Variants in RTP2 observed in about 807,000 individuals in gnomAD.
The protein encoded by RTP2 is receptor transporter protein 2.
Under a neutral mutation model 17.9 loss-of-function variants are expected in RTP2, and 12 were observed. That is an observed-to-expected ratio of 0.67 (90% CI 0.43 to 1.09). The LOEUF (loss-of-function observed/expected upper bound fraction) is 1.09, where lower values mean the gene tolerates loss of function less well. RTP2 is among the 50% of genes least tolerant of loss of function. RTP2 has a pLI of 0.00. For missense variants in RTP2, 327 were observed against 295.7 expected (o/e 1.11, Z -0.78); for synonymous variants, 126 against 117.7 (o/e 1.07, Z -0.46).
the RTP2 span, among the ~76,000 whole-genome samples, chr3:187,713,309 C>T: frequency 1.3e-5 from 2 of 152,218 alleles, no homozygotes; most frequent in African/African-American, 4.8e-5. Context: ...TAAATTTTCT[C>T]CTTACACTGT....
exon 2 of RTP2, chr3:187,698,744 G>A: frequency 6.2e-7 from 1 of 1,614,002 alleles, no homozygotes. Context: ...CGCTGTCCGG[G>A]CGGCTGGCCA....
chr3:187,705,724 T>G (rs1025236608), upstream of RTP2, among the ~76,000 whole-genome samples: 3 of 152,170 alleles, frequency 2.0e-5, no homozygotes, highest in Non-Finnish European at 4.4e-5. Context: ...GAAAGGCTGT[T>G]TGGCCCCAAC....
chr3:187,702,201 G>C, exon 1 of RTP2: 4 of 1,438,546 alleles, frequency 2.8e-6, no homozygotes, highest in Non-Finnish European at 3.8e-6. Flanking sequence ...ATAGGTACGG[G>C]ACAATTCAGT....
At chr3:187,702,183 G>C (rs1717869418) in exon 1 of RTP2, 2 of 1,531,974 alleles carry the variant, frequency 1.3e-6, no homozygotes, top group African/African-American at 1.4e-5. Flanking sequence ...AACACAGAAA[G>C]AGCACGGATA....
chr3:187,715,243 C>A, the RTP2 span, among the ~76,000 whole-genome samples: 1 of 152,182 alleles, frequency 6.6e-6, no homozygotes, highest in Non-Finnish European at 1.5e-5. Context: ...CCCTGCAAGC[C>A]AAGATTGCTG....
chr3:187,704,521 G>T (rs183889400), upstream of RTP2, among the ~76,000 whole-genome samples: 1 of 152,070 alleles, frequency 6.6e-6, no homozygotes, highest in Non-Finnish European at 1.5e-5. Context: ...TGTTACTGAT[G>T]GGATATGTTG....
exon 1 of RTP2, chr3:187,702,062 G>T (rs200862922): frequency 6.2e-7 from 1 of 1,613,582 alleles, no homozygotes; most frequent in African/African-American, 1.3e-5. Flanking sequence ...CTGTCCGCTG[G>T]CTTTGCCACC....
At chr3:187,715,550 G>C in the RTP2 span, 2 of 421,866 alleles carry the variant, frequency 4.7e-6, no homozygotes, top group South Asian at 3.4e-5. Flanking sequence ...CATAGGCCTT[G>C]GGGGAGCTGT....
intron 1 of RTP2, among the ~76,000 whole-genome samples, chr3:187,700,049 C>G (rs916828481): frequency 6.6e-6 from 1 of 152,214 alleles, no homozygotes; most frequent in South Asian, 2.1e-4. Flanking sequence ...ACTGGGCTGT[C>G]CCTGTCCTCA....
chr3:187,698,685 T>C, exon 2 of RTP2: 1 of 1,614,086 alleles, frequency 6.2e-7, no homozygotes, highest in Non-Finnish European at 8.5e-7. Context: ...GGGCTTCCAG[T>C]GAACGATGCC....
chr3:187,714,254 C>G, the RTP2 span, among the ~76,000 whole-genome samples: 1 of 152,220 alleles, frequency 6.6e-6, no homozygotes, highest in Admixed American at 6.5e-5. Context: ...CACAGTTCTA[C>G]TAGGAATTGG....
At chr3:187,705,585 C>T (rs550178534), upstream of RTP2, among the ~76,000 whole-genome samples, 4 of 152,256 alleles carry the variant, frequency 2.6e-5, no homozygotes, top group East Asian at 7.7e-4. Context: ...AGGAAAGGAC[C>T]CATTAAAGCT....
chr3:187,701,399 A>T (rs1382100482), intron 1 of RTP2, among the ~76,000 whole-genome samples: 6 of 152,246 alleles, frequency 3.9e-5, no homozygotes, highest in Admixed American at 3.3e-4. Context: ...TGGATCTATT[A>T]TCTAAGACCA....
At chr3:187,707,763 A>C in the RTP2 span, among the ~76,000 whole-genome samples, 2 of 152,202 alleles carry the variant, frequency 1.3e-5, no homozygotes. Flanking sequence ...ATTTAAACGC[A>C]TTGCTCTCTC....
chr3:187,710,728 A>C, the RTP2 span, among the ~76,000 whole-genome samples: 1 of 152,038 alleles, frequency 6.6e-6, no homozygotes. Flanking sequence ...TTCTCTCTAA[A>C]TGGGATTTCA....
the RTP2 span, among the ~76,000 whole-genome samples, chr3:187,712,908 G>C: frequency 7.2e-5 from 11 of 152,294 alleles, no homozygotes; most frequent in South Asian, 2.3e-3. Context: ...GGGGCTGAGG[G>C]ACGGTAAGTT....
intron 1 of RTP2, among the ~76,000 whole-genome samples, chr3:187,700,016 G>T (rs1337236080): frequency 6.6e-6 from 1 of 152,186 alleles, no homozygotes; most frequent in East Asian, 1.9e-4. Flanking sequence ...TGTTATAGAG[G>T]CTTCACAGGC....
intron 1 of RTP2, among the ~76,000 whole-genome samples, chr3:187,699,230 G>A (rs570077319): frequency 8.7e-4 from 132 of 152,228 alleles, no homozygotes; most frequent in Non-Finnish European, 1.1e-3. Context: ...AGCCAGTGCC[G>A]GAGCCATCTG....
At chr3:187,707,897 C>A in the RTP2 span, among the ~76,000 whole-genome samples, 3 of 152,232 alleles carry the variant, frequency 2.0e-5, no homozygotes, top group Non-Finnish European at 2.9e-5. Flanking sequence ...TGAAAAGGAC[C>A]TTCACTCCAT....
Sources: gnomAD v4.1 joint callset for allele counts (sites outside exome capture counted in the v4.1 genomes callset) on GRCh38, gnomAD v4.1.1 for gene constraint, MANE v1.5 for transcripts, NCBI Gene and HGNC (gene_info 2026-07-23, HGNC 2026-07-21) for gene names.